ECE1: variants seen among roughly 807,000 people sequenced by gnomAD.
ECE1 encodes endothelin converting enzyme 1.
A neutral mutation model predicts 98.6 loss-of-function variants in ECE1; 35 were observed. The ratio of observed to expected loss-of-function variants is 0.35; its 90% CI spans 0.27 to 0.47. The LOEUF is 0.47. Among genes scored for constraint, ECE1 ranks in the 20% least tolerant of loss-of-function variants. The probability of loss-of-function intolerance (pLI) is 1.00; values close to 1 mark genes in which losing one functional copy is unlikely to be tolerated. For synonymous variants in ECE1, 394 were observed against 407.1 expected, an observed-to-expected ratio of 0.97 and a Z score of 0.39; for missense variants, 814 against 1,025.3, an observed-to-expected ratio of 0.79 and a Z score of 2.81.
chr1:21,258,966 G>T lies in ECE1; in HGVS notation c.616-127C>A. ...CGCCTGACCTCTCTGAGCCTCAAGA[G>T]CAAAGGAAAGGATTGGTCTTCATCG... On this transcript the variant is annotated intron_variant, in intron 5 of 18. Coordinates refer to ENST00000374893, the MANE Select transcript of ECE1 (RefSeq NM_001397.3). This position sits in a 1 kb window ranked among gnomAD's most constrained non-coding sequence, Gnocchi z 4.2. The T allele has an allele frequency of 1.5e-6, 2 of 1,327,554 alleles. No homozygotes were observed. The highest frequency in any genetic ancestry group is 2.1e-6 in the Non-Finnish European group (2 of 963,766). The allele number at this position is 1,327,554 out of a possible 1,614,324, so 82.2% of individuals were successfully genotyped here.
In ECE1 at chr1:21,217,523, G is replaced by A. The variant is rs1335260765; in HGVS notation, c.*2432C>T. On this transcript the variant is annotated 3_prime_UTR_variant, in exon 19 of 19. Coordinates refer to ENST00000374893, the MANE Select transcript of ECE1 (RefSeq NM_001397.3). Reference sequence around the variant, plus strand: ...CCCCTGCCGGCCCCGGCAGACCTGAGCCATGAGTGTGGTCTCCATTCCCTC... The same window carrying A: ...CCCCTGCCGGCCCCGGCAGACCTGAACCATGAGTGTGGTCTCCATTCCCTC... 6.6e-6 allele frequency: 1 copy of A among 152,364 alleles called. No homozygotes were observed. Among genetic ancestry groups the A allele is most frequent in the Non-Finnish European group, 1.5e-5 (1 of 68,218 alleles). The allele number at this position is 152,364 out of a possible 1,614,324, so 9.4% of individuals were successfully genotyped here.
rs2098173471 is a variant in ECE1, at chr1:21,225,799, C to G, written c.1850-359G>C. 6.7e-6 allele frequency among the ~76,000 whole-genome samples: 1 copy of G among 150,296 alleles called. No homozygotes were observed. The highest frequency in any genetic ancestry group is 1.5e-5 in the Non-Finnish European group (1 of 67,764). ...CTTTGCCTCCTGGGTTCAAGGAATT[C>G]TTGTGCTCAGCCTCTGGAGTAGCTG... On this transcript the variant is annotated intron_variant, in intron 16 of 18. Coordinates refer to ENST00000374893, the MANE Select transcript of ECE1 (RefSeq NM_001397.3). This position sits in a 1 kb window ranked among gnomAD's most constrained non-coding sequence, Gnocchi z 5.3.
At position 21,319,352 on chromosome 1, in the gene ECE1, T is replaced by TC. The variant is rs1267828329; in HGVS notation, c.3+26023_3+26024insG. On this transcript the variant is annotated intron_variant, in intron 1 of 18. Transcript: ENST00000415912. The surrounding 1 kb of genome is among the most constrained non-coding windows in gnomAD (Gnocchi z 4.4). ...AGAGCGAGACTCCGTCTCAAAATAA[T>TC]AATAATCATAATCATAATCATAATC... Among the ~76,000 whole-genome samples, 738 of 149,568 alleles carry TC rather than the reference T, an allele frequency of 4.9e-3. 8 individuals are homozygous for TC. Among genetic ancestry groups the TC allele is most frequent in the African/African-American group, 0.017 (692 of 40,508 alleles).
rs376203896 is a variant in ECE1 at position 21,225,310 on chromosome 1, G to A, written c.1980C>T (p.Asn660=). Reference sequence around the variant, plus strand: ...TGTTCTCCCCCAGGGTGTGCCGCCCGTTCACCGGCTCCCCGTTCACGCTGT... The same window carrying A: ...TGTTCTCCCCCAGGGTGTGCCGCCCATTCACCGGCTCCCCGTTCACGCTGT... The part of the protein sequence containing the change: ...SNYSVNGEPV[N]GRHTLGENIA... The change falls in exon 17 of 19, where the codon AAC becomes AAT. Residue 660 remains asparagine, a synonymous_variant. Transcript: ENST00000374893. This position sits in a 1 kb window ranked among gnomAD's most constrained non-coding sequence, Gnocchi z 5.3. The A allele has an allele frequency of 1.4e-5, 22 of 1,614,240 alleles. No individual in the cohort carries two copies. Among genetic ancestry groups the A allele is most frequent in the East Asian group, 4.5e-5 (2 of 44,884 alleles).
chr1:21,284,743 G>C (rs1045817710), intron 2 of ECE1, among the ~76,000 whole-genome samples: 1 of 152,248 alleles, frequency 6.6e-6, no homozygotes, highest in African/African-American at 2.4e-5. Flanking sequence ...GGAGCAGAAA[G>C]GGTGGGGAGC....
At chr1:21,333,710 T>G (rs928868526) in intron 1 of ECE1, among the ~76,000 whole-genome samples, 6 of 152,286 alleles carry the variant, frequency 3.9e-5, no homozygotes, top group African/African-American at 1.4e-4. Flanking sequence ...GGCACCTGCC[T>G]GTAATCCCAA....
intron 2 of ECE1, among the ~76,000 whole-genome samples, chr1:21,288,749 G>C (rs2098263238): frequency 6.6e-6 from 1 of 152,232 alleles, no homozygotes; most frequent in Non-Finnish European, 1.5e-5. Context: ...AGCCTCTTAA[G>C]AAGAGTCCAC....
At chr1:21,274,843 T>C (rs1323888474) in intron 3 of ECE1, among the ~76,000 whole-genome samples, 1 of 152,128 alleles carries the variant, frequency 6.6e-6, no homozygotes, top group East Asian at 1.9e-4. Flanking sequence ...ATAAAAAAAT[T>C]ATGGAGCCAT....
chr1:21,231,879 G>A (rs546754737), intron 14 of ECE1, among the ~76,000 whole-genome samples: 6 of 152,340 alleles, frequency 3.9e-5, no homozygotes, highest in South Asian at 2.1e-4. Flanking sequence ...CTCTCAAAGC[G>A]TTCGAATTAC....
rs1428397600 is a variant in ECE1 at position 21,345,179 on chromosome 1, A to G, written c.3+197T>C. The G allele has an allele frequency of 3.0e-6, 2 of 677,842 alleles. No homozygotes were observed. Among genetic ancestry groups the G allele is most frequent in the Non-Finnish European group, 1.9e-6 (1 of 516,090 alleles). 42.0% of individuals were successfully genotyped at this position (677,842 alleles called of 1,614,324 possible). ...GGCCGCCCCCGACGGGACCAAGCGC[A>G]GCGCCGCCGGGAGAGCCGCGCTCTG... On this transcript the variant is annotated intron_variant, in intron 1 of 18. Transcript: ENST00000415912. The surrounding 1 kb of genome is among the most constrained non-coding windows in gnomAD (Gnocchi z 5.1).
Position 21,233,297 on chromosome 1 carries a change from C to T in ECE1, c.1670+261G>A, listed in dbSNP as rs960190446. 65 of 433,098 alleles carry T rather than the reference C, an allele frequency of 1.5e-4. 1 individual carries two copies. Among genetic ancestry groups the T allele is most frequent in the African/African-American group, 6.0e-4 (30 of 49,842 alleles). 26.8% of individuals were successfully genotyped at this position (433,098 alleles called of 1,614,324 possible). On this transcript the variant is annotated intron_variant, in intron 14 of 18. Coordinates refer to ENST00000374893, the MANE Select transcript of ECE1 (RefSeq NM_001397.3). The surrounding 1 kb of genome is among the most constrained non-coding windows in gnomAD (Gnocchi z 4.0). ...GTGGAGCGGAGACAAGGTGCCAGATCGGCTCCGCTCCAGAGGCCAGGCTCA... is the reference window on the plus strand; with the variant it reads ...GTGGAGCGGAGACAAGGTGCCAGATTGGCTCCGCTCCAGAGGCCAGGCTCA...
chr1:21,326,074 G>A (rs534795417), intron 1 of ECE1, among the ~76,000 whole-genome samples: 120 of 152,312 alleles, frequency 7.9e-4, no homozygotes, highest in Non-Finnish European at 1.2e-3. Context: ...TGGGGACCAG[G>A]GGGCTGGGCC....
intron 1 of ECE1, among the ~76,000 whole-genome samples, chr1:21,311,514 A>AAAAAAAAAAAAAC: frequency 6.8e-6 from 1 of 146,932 alleles, no homozygotes; most frequent in Non-Finnish European, 1.5e-5. Flanking sequence ...CTCCACAAAA[A>AAAAAAAAAAAAAC]AAAAAAAAAA....
At chr1:21,299,017 G>C (rs900645870) in intron 1 of ECE1, 2 of 381,660 alleles carry the variant, frequency 5.2e-6, no homozygotes, top group African/African-American at 4.2e-5. Context: ...GTGATGACCA[G>C]GCTGGGGAAG....
At chr1:21,241,153 C>T (rs2098195656) in intron 10 of ECE1, among the ~76,000 whole-genome samples, 1 of 152,196 alleles carries the variant, frequency 6.6e-6, no homozygotes, top group African/African-American at 2.4e-5. Context: ...TCTCCTGCCT[C>T]AGCCTCCCGA....
intron 1 of ECE1, among the ~76,000 whole-genome samples, chr1:21,320,505 T>C (rs1638941204): frequency 6.6e-6 from 1 of 152,200 alleles, no homozygotes; most frequent in African/African-American, 2.4e-5. Flanking sequence ...TAAAAATAAG[T>C]AGAAAATTCT....
chr1:21,345,147 T>C lies in ECE1; in HGVS notation c.3+229A>G. The stretch of plus-strand genomic sequence containing the variant: ...CATCCGGCTGGGACCAGAACCAAGC[T>C]CGGCGCGGCCGCCCCCGACGGGACC... On this transcript the variant is annotated intron_variant, in intron 1 of 18. Transcript: ENST00000415912. The surrounding 1 kb of genome is among the most constrained non-coding windows in gnomAD (Gnocchi z 5.1). 1 of 394,074 alleles carries C rather than the reference T, an allele frequency of 2.5e-6. No homozygotes were observed. Among genetic ancestry groups the C allele is most frequent in the Middle Eastern group, 9.0e-4 (1 of 1,116 alleles). The allele number at this position is 394,074 out of a possible 1,614,324, so 24.4% of individuals were successfully genotyped here. A position where few individuals can be genotyped will look rare whatever the true frequency, so the allele number is the denominator to read the frequency against.
At chr1:21,268,225 C>G (rs1266672846) in intron 4 of ECE1, among the ~76,000 whole-genome samples, 1 of 152,162 alleles carries the variant, frequency 6.6e-6, no homozygotes, top group African/African-American at 2.4e-5. Flanking sequence ...ATCTGAGCTA[C>G]AAGCACAGTT....
chr1:21,254,287 C>G (rs2098217077), intron 8 of ECE1, among the ~76,000 whole-genome samples: 1 of 151,798 alleles, frequency 6.6e-6, no homozygotes, highest in African/African-American at 2.4e-5. Flanking sequence ...ACTTTGGGTA[C>G]TTAGAACACA....
Sources: allele counts gnomAD v4.1 joint callset (sites outside exome capture counted in the v4.1 genomes callset), GRCh38; gene constraint gnomAD v4.1.1; non-coding constraint Gnocchi (gnomAD v3.1); transcripts MANE v1.5; gene names NCBI Gene and HGNC (gene_info 2026-07-23, HGNC 2026-07-21).